AKT2: variants seen among roughly 807,000 people sequenced by gnomAD.
AKT2 encodes the protein AKT serine/threonine kinase 2.
A neutral mutation model predicts 58.6 loss-of-function variants in AKT2; 16 were observed. That is an observed-to-expected ratio of 0.27 (90% confidence interval 0.18 to 0.41). The LOEUF (loss-of-function observed/expected upper bound fraction) is 0.41, where lower values mean the gene tolerates loss of function less well. AKT2 is among the 10% of genes least tolerant of loss of function. The pLI is 1.00. For synonymous variants in AKT2, 253 were observed against 254.0 expected (o/e 1.00, Z 0.04); for missense variants, 438 against 661.0 (o/e 0.66, Z 3.70).
intron 1 of AKT2, among the ~76,000 whole-genome samples, chr19:40,277,972 T>C (rs1414394866): frequency 1.3e-5 from 2 of 152,080 alleles, no homozygotes; most frequent in Non-Finnish European, 2.9e-5. Flanking sequence ...GTGCCTCCCA[T>C]CCTCATCTCT....
chr19:40,236,097 T>A lies in AKT2; in HGVS notation c.968A>T (p.Glu323Val). The A allele has an allele frequency of 6.2e-7, 1 of 1,614,070 alleles. No homozygotes were observed. Among genetic ancestry groups the A allele is most frequent in the Non-Finnish European group, 8.5e-7 (1 of 1,180,024 alleles). ...TPEYLAPEVL[E>V]DNDYGRAVDW... The stretch of plus-strand genomic sequence containing the variant: ...CACGGCCCGGCCATAGTCATTGTCC[T>A]CCAGCACCTGAGGATGGAGGAGAAA... The change falls in exon 11 of 14, where the codon GAG (glutamate) becomes GTG (valine). Residue 323 changes from glutamate to valine, a missense_variant. This residue lies in a region of AKT2 where 46 missense variants were observed against 114.5 expected (regional missense o/e 0.40). Coordinates refer to ENST00000392038, the MANE Select transcript of AKT2 (RefSeq NM_001626.6).
At chr19:40,266,998 C>T (rs147541732) in intron 1 of AKT2, among the ~76,000 whole-genome samples, 1 of 152,140 alleles carries the variant, frequency 6.6e-6, no homozygotes, top group African/African-American at 2.4e-5. Context: ...TCTGTATCTC[C>T]CACTGTTCTG....
At chr19:40,263,861 A>G (rs1356451174) in intron 2 of AKT2, among the ~76,000 whole-genome samples, 5 of 152,120 alleles carry the variant, frequency 3.3e-5, no homozygotes, top group Non-Finnish European at 5.9e-5. Flanking sequence ...CGCCTCTGGC[A>G]TAACTGTGAG....
At chr19:40,259,955 C>G (rs185728713) in intron 2 of AKT2, among the ~76,000 whole-genome samples, 401 of 151,900 alleles carry the variant, frequency 2.6e-3, no homozygotes, top group Non-Finnish European at 4.4e-3. Flanking sequence ...GAGTTCAAAA[C>G]CAGCCTGGCC....
intron 1 of AKT2, among the ~76,000 whole-genome samples, chr19:40,284,461 C>T (rs2077478124): frequency 6.6e-6 from 1 of 152,144 alleles, no homozygotes; most frequent in African/African-American, 2.4e-5. Flanking sequence ...CCCCAGTAAC[C>T]ATGACGTTCC....
Position 40,234,704 on chromosome 19 carries a change from A to T in AKT2, c.1366+341T>A, listed in dbSNP as rs1273146558. 1 of 592,546 alleles carries T rather than the reference A, an allele frequency of 1.7e-6. No homozygotes were observed. The highest frequency in any genetic ancestry group is 1.9e-5 in the African/African-American group (1 of 53,704). The allele number at this position is 592,546 out of a possible 1,614,324, so 36.7% of individuals were successfully genotyped here. A position where few individuals can be genotyped will look rare whatever the true frequency, so the allele number is the denominator to read the frequency against. ...CAGGGCAGGGCCCAGGGCTGGCTCAATCAGTGCTGTGTCCCCAGCATAGCC... is the reference window on the plus strand; with the variant it reads ...CAGGGCAGGGCCCAGGGCTGGCTCATTCAGTGCTGTGTCCCCAGCATAGCC... On this transcript the variant is annotated intron_variant, in intron 13 of 13. Transcript: ENST00000392038. This position sits in a 1 kb window ranked among gnomAD's most constrained non-coding sequence, Gnocchi z 4.7.
chr19:40,282,136 C>T (rs560437175), intron 1 of AKT2: 19 of 209,824 alleles, frequency 9.1e-5, no homozygotes, highest in African/African-American at 4.0e-4. Flanking sequence ...CCGGAATGCT[C>T]GAGGGGACCA....
In AKT2 at chr19:40,234,006, C is replaced by T; in HGVS notation, c.1367-55G>A. 1 of 1,557,434 alleles carries T rather than the reference C, an allele frequency of 6.4e-7. No homozygotes were observed. Among genetic ancestry groups the T allele is most frequent in the Non-Finnish European group, 8.7e-7 (1 of 1,142,980 alleles). On this transcript the variant is annotated intron_variant, in intron 13 of 13. Transcript: ENST00000392038. The surrounding 1 kb of genome is among the most constrained non-coding windows in gnomAD (Gnocchi z 4.7). ...CCAGTCAGGAGAGGGCCTGGGACAC[C>T]TGCCCAGACTCCCTGGGGAAACGGC... is the stretch of plus-strand genomic sequence containing the variant.
chr19:40,237,836 G>A lies in AKT2; in HGVS notation c.831+133C>T, dbSNP rs1974125994. The A allele has an allele frequency of 4.5e-6, 6 of 1,336,318 alleles. No homozygotes were observed. Among genetic ancestry groups the A allele is most frequent in the Non-Finnish European group, 5.1e-6 (5 of 974,908 alleles). 82.8% of individuals were successfully genotyped at this position (1,336,318 alleles called of 1,614,324 possible). ...GACCTTGGTGGGGAGCCTGGCGAAT[G>A]AGGGCAGCCACCACCCTGGACCTTG... is the stretch of plus-strand genomic sequence containing the variant. On this transcript the variant is annotated intron_variant, in intron 9 of 13. Coordinates refer to ENST00000392038, the MANE Select transcript of AKT2 (RefSeq NM_001626.6). The surrounding 1 kb of genome is among the most constrained non-coding windows in gnomAD (Gnocchi z 4.5).
intron 4 of AKT2, among the ~76,000 whole-genome samples, chr19:40,253,064 G>A (rs907556161): frequency 6.6e-6 from 1 of 152,116 alleles, no homozygotes; most frequent in African/African-American, 2.4e-5. Context: ...GTCCAAGAAG[G>A]TAGCCACTAG....
intron 1 of AKT2, among the ~76,000 whole-genome samples, chr19:40,267,270 C>T (rs184220130): frequency 4.6e-5 from 7 of 152,286 alleles, no homozygotes; most frequent in African/African-American, 1.2e-4. Flanking sequence ...TTCAGGACCT[C>T]GCCTCTGCTG....
At chr19:40,269,120 A>G (rs116925422) in intron 1 of AKT2, 2,120 of 152,598 alleles carry the variant, frequency 0.014, 27 homozygotes, top group South Asian at 0.041. Flanking sequence ...TCTCAAAAAA[A>G]AAAGATGGCC....
At chr19:40,271,426 C>CAAA (rs60327122) in intron 1 of AKT2, among the ~76,000 whole-genome samples, 2 of 68,558 alleles carry the variant, frequency 2.9e-5, no homozygotes, top group African/African-American at 4.6e-5. Flanking sequence ...GACCCTGTCT[C>CAAA]AAAAAAAAAA....
chr19:40,265,461 G>C, intron 1 of AKT2, 110 bp from the exon 2 acceptor site: 1 of 1,430,184 alleles, frequency 7.0e-7, no homozygotes. Context: ...ACTCAGCAAA[G>C]GGTAAGGCCA....
Position 40,237,948 on chromosome 19 carries a change from G to A in AKT2, c.831+21C>T, listed in dbSNP as rs755934760. 6 of 1,611,708 alleles carry A rather than the reference G, an allele frequency of 3.7e-6. No individual in the cohort carries two copies. Among genetic ancestry groups the A allele is most frequent in the Non-Finnish European group, 5.1e-6 (6 of 1,179,412 alleles). On this transcript the variant is annotated intron_variant, in intron 9 of 13. Transcript: ENST00000392038. The surrounding 1 kb of genome is among the most constrained non-coding windows in gnomAD (Gnocchi z 4.5). ...TGGTGTGCATGCCACAGGTCAGCCTGGCGCACACCCTGCCACTAACCTTGA... is the reference window on the plus strand; with the variant it reads ...TGGTGTGCATGCCACAGGTCAGCCTAGCGCACACCCTGCCACTAACCTTGA...
In AKT2 at chr19:40,238,072, C is replaced by T. The variant is rs1363221582; in HGVS notation, c.728G>A (p.Arg243Gln). Residue 243 changes from arginine (R) to glutamine (Q), a missense_variant, in exon 9 of 14, where the codon CGG (arginine) becomes CAG (glutamine). By Grantham distance (43) the Arg-to-Gln change is conservative. Around this residue, in one of 3 missense-constraint regions of AKT2, gnomAD observed 244 missense variants for 347.1 expected, o/e 0.70. Transcript: ENST00000392038. This position sits in a 1 kb window ranked among gnomAD's most constrained non-coding sequence, Gnocchi z 5.1. ...NGGELFFHLS[R>Q]ERVFTEERAR... ...CCGCTCCTCTGTGAAGACACGCTCC[C>T]GGGACAGGTGGAAGAACAGCTGCAG... The T allele has an allele frequency of 4.4e-6, 7 of 1,601,582 alleles. No homozygotes were observed. The highest frequency in any genetic ancestry group is 5.1e-6 in the Non-Finnish European group (6 of 1,174,348).
Position 40,233,063 on chromosome 19 carries a change from G to T in AKT2, c.*809C>A, listed in dbSNP as rs536107592. 3.0e-5 allele frequency: 7 copies of T among 236,744 alleles called. No individual in the cohort carries two copies. In the East Asian group the frequency reaches 4.2e-4, roughly 14 times the overall value. The allele number at this position is 236,744 out of a possible 1,614,324, so 14.7% of individuals were successfully genotyped here. Reference sequence around the variant, plus strand: ...AGCCCAGCCCATAGCCCCCAGTGGGGCCAGGCCAGGCCCAGGGTCCAGCGG... The same window carrying T: ...AGCCCAGCCCATAGCCCCCAGTGGGTCCAGGCCAGGCCCAGGGTCCAGCGG... On this transcript the variant is annotated 3_prime_UTR_variant, in exon 14 of 14. Coordinates refer to ENST00000392038, the MANE Select transcript of AKT2 (RefSeq NM_001626.6). The surrounding 1 kb of genome is among the most constrained non-coding windows in gnomAD (Gnocchi z 4.3).
chr19:40,265,740 C>T (rs1442826050), intron 1 of AKT2, among the ~76,000 whole-genome samples: 2 of 152,150 alleles, frequency 1.3e-5, no homozygotes, highest in Admixed American at 1.3e-4. Flanking sequence ...TGAGGCAGCC[C>T]AGGGTACCTG....
Position 40,234,748 on chromosome 19 carries a change from AGAGT to A in AKT2, c.1366+293_1366+296del. The stretch of plus-strand genomic sequence containing the variant: ...CATAGCCCAGCCCTGGGCTGAGTTC[AGAGT>A]AAGAACCCAAACAGCTGTAAAGCAG... On this transcript the variant is annotated intron_variant, in intron 13 of 13. Transcript: ENST00000392038. The surrounding 1 kb of genome is among the most constrained non-coding windows in gnomAD (Gnocchi z 4.7). 3 of 605,948 alleles carry A rather than the reference AGAGT, an allele frequency of 5.0e-6. No homozygotes were observed. The highest frequency in any genetic ancestry group is 8.8e-6 in the Non-Finnish European group (3 of 341,006). The allele number at this position is 605,948 out of a possible 1,614,324, so 37.5% of individuals were successfully genotyped here.
Sources: gnomAD v4.1 joint callset for allele counts (sites outside exome capture counted in the v4.1 genomes callset) on GRCh38, gnomAD v4.1.1 for gene constraint, gnomAD v4.1.1 regional missense constraint, Gnocchi (gnomAD v3.1) non-coding constraint, MANE v1.5 for transcripts, NCBI Gene and HGNC (gene_info 2026-07-23, HGNC 2026-07-21) for gene names.